Variants in PTPRD observed in about 807,000 individuals in gnomAD.
PTPRD encodes receptor-type tyrosine-protein phosphatase delta.
Under a neutral mutation model 214.5 loss-of-function variants are expected in PTPRD, and 34 were observed. The ratio of observed to expected loss-of-function variants is 0.16; its 90% confidence interval spans 0.12 to 0.21. PTPRD has a LOEUF of 0.21. PTPRD is among the 10% of genes least tolerant of loss of function. PTPRD has a pLI of 1.00. For synonymous variants in PTPRD, 1,128 were observed against 845.7 expected, an observed-to-expected ratio of 1.33 and a Z score of -5.79; for missense variants, 2,545 against 2,398.7, an observed-to-expected ratio of 1.06 and a Z score of -1.27.
In PTPRD at chr9:9,065,609, C is replaced by A. The variant is rs571286733; in HGVS notation, c.-142-46874G>T. ...CTGAGTTATAATGTACAGACTTACT[C>A]TTCTCACCATGGGAGAAAATACATT... is the stretch of plus-strand genomic sequence containing the variant. On this transcript the variant is annotated intron_variant, in intron 10 of 45. Coordinates refer to ENST00000381196, the MANE Select transcript of PTPRD (RefSeq NM_002839.4). 4.6e-5 allele frequency among the ~76,000 whole-genome samples: 7 copies of A among 152,264 alleles called. No individual in the cohort carries two copies. In the South Asian group the frequency reaches 1.5e-3, roughly 32 times the overall value.
At chr9:8,705,310 T>C (rs182165116) in intron 12 of PTPRD, among the ~76,000 whole-genome samples, 5 of 152,280 alleles carry the variant, frequency 3.3e-5, no homozygotes, top group Admixed American at 6.5e-5. Context: ...AACCTCCGCC[T>C]CTGGGATTCT....
chr9:9,605,509 T>A (rs950864172), intron 7 of PTPRD, among the ~76,000 whole-genome samples: 3 of 152,188 alleles, frequency 2.0e-5, no homozygotes, highest in African/African-American at 7.2e-5. Flanking sequence ...ATAAAAAACA[T>A]GGTTCCCCAC....
intron 3 of PTPRD, among the ~76,000 whole-genome samples, chr9:10,211,862 C>A (rs550815707): frequency 3.3e-5 from 5 of 152,170 alleles, no homozygotes; most frequent in Non-Finnish European, 5.9e-5. Context: ...GTACATTATT[C>A]AGGTGATGGT....
At chr9:9,242,574 G>A (rs199530052) in intron 9 of PTPRD, among the ~76,000 whole-genome samples, 85 of 151,796 alleles carry the variant, frequency 5.6e-4, no homozygotes, top group Non-Finnish European at 4.9e-4. Flanking sequence ...TTCTCTTCTC[G>A]CTTCATTTCA....
chr9:10,371,234 C>T (rs979848374), intron 2 of PTPRD, among the ~76,000 whole-genome samples: 3 of 151,836 alleles, frequency 2.0e-5, no homozygotes, highest in Non-Finnish European at 4.4e-5. Context: ...AAATACCTTA[C>T]AGTCTCTCAT....
intron 35 of PTPRD, among the ~76,000 whole-genome samples, chr9:8,434,343 G>C (rs1156310609): frequency 6.6e-6 from 1 of 152,054 alleles, no homozygotes. Context: ...ACAAATAGTT[G>C]GGTATAGTAA....
chr9:10,081,669 T>C (rs1174713819), intron 3 of PTPRD, among the ~76,000 whole-genome samples: 2 of 152,074 alleles, frequency 1.3e-5, no homozygotes, highest in East Asian at 1.9e-4. Flanking sequence ...ACCCAGTCTA[T>C]GGTGCTTTGT....
intron 20 of PTPRD, among the ~76,000 whole-genome samples, 162 bp downstream of exon 20, chr9:8,521,115 C>T (rs2097883022): frequency 6.6e-6 from 1 of 152,110 alleles, no homozygotes; most frequent in East Asian, 1.9e-4. Flanking sequence ...CCTATCTAGG[C>T]TTATGCATGT....
At chr9:10,205,364 CTTCTTTATTTTATTTTATT>C (rs1298236267) in intron 3 of PTPRD, among the ~76,000 whole-genome samples, 1 of 149,050 alleles carries the variant, frequency 6.7e-6, no homozygotes, top group African/African-American at 2.5e-5. Context: ...AATTCTTCTT[CTTCTTTATTTTATTTTATT>C]TTATTTTATT....
At chr9:8,670,814 A>G (rs2097268259) in intron 12 of PTPRD, among the ~76,000 whole-genome samples, 1 of 152,212 alleles carries the variant, frequency 6.6e-6, no homozygotes, top group African/African-American at 2.4e-5. Flanking sequence ...GAAATGCTAC[A>G]GAGAGGCGAC....
At chr9:10,322,865 G>C (rs944742303) in intron 3 of PTPRD, among the ~76,000 whole-genome samples, 1 of 151,978 alleles carries the variant, frequency 6.6e-6, no homozygotes, top group African/African-American at 2.4e-5. Flanking sequence ...CCTCATCTGG[G>C]AACAGGAAGG....
chr9:9,481,445 A>G (rs2095410912), intron 8 of PTPRD, among the ~76,000 whole-genome samples: 1 of 152,218 alleles, frequency 6.6e-6, no homozygotes, highest in African/African-American at 2.4e-5. Context: ...TGTTGTGCTC[A>G]GCAGGGCTGA....
At chr9:8,509,126 T>C (rs2097611852) in intron 21 of PTPRD, among the ~76,000 whole-genome samples, 1 of 152,014 alleles carries the variant, frequency 6.6e-6, no homozygotes, top group Non-Finnish European at 1.5e-5. Flanking sequence ...GTGGGTGACC[T>C]AACACAATCA....
intron 12 of PTPRD, among the ~76,000 whole-genome samples, chr9:8,650,877 T>C (rs1020126821): frequency 2.1e-5 from 3 of 143,798 alleles, no homozygotes; most frequent in Non-Finnish European, 4.6e-5. Context: ...TTTAGCATTC[T>C]TTTTTTTTTT....
chr9:9,959,569 A>G (rs540656658), intron 4 of PTPRD, among the ~76,000 whole-genome samples: 1 of 152,334 alleles, frequency 6.6e-6, no homozygotes, highest in African/African-American at 2.4e-5. Context: ...CCTACGACAA[A>G]TATATGAAAA....
Position 8,431,664 on chromosome 9 carries a change from T to G in PTPRD, c.4086+4928A>C, listed in dbSNP as rs13291880. Among the ~76,000 whole-genome samples, 847 of 152,280 alleles carry G rather than the reference T, an allele frequency of 5.6e-3. 5 individuals are homozygous for G. The highest frequency in any genetic ancestry group is 9.4e-3 in the Non-Finnish European group (640 of 68,022). ...ATACATTACCCTAAACCAATGACATTCCTCAAATTGAAGTCTTTGGAGCAC... is the reference window on the plus strand; with the variant it reads ...ATACATTACCCTAAACCAATGACATGCCTCAAATTGAAGTCTTTGGAGCAC... On this transcript the variant is annotated intron_variant, in intron 35 of 45. Coordinates refer to ENST00000381196, the MANE Select transcript of PTPRD (RefSeq NM_002839.4).
intron 2 of PTPRD, among the ~76,000 whole-genome samples, chr9:10,406,198 T>C (rs534589657): frequency 9.9e-5 from 15 of 151,476 alleles, no homozygotes; most frequent in Non-Finnish European, 1.9e-4. Context: ...AAGGATGATA[T>C]TTGTTATTTA....
chr9:8,510,302 T>A (rs1204522554), intron 21 of PTPRD, among the ~76,000 whole-genome samples: 1 of 151,742 alleles, frequency 6.6e-6, no homozygotes, highest in Non-Finnish European at 1.5e-5. Context: ...TAAAAATAAA[T>A]AAATAAATAA....
chr9:9,068,476 T>C lies in PTPRD; in HGVS notation c.-142-49741A>G, dbSNP rs1227343055. On this transcript the variant is annotated intron_variant, in intron 10 of 45. Transcript: ENST00000381196. ...CCACCAACAATGCATATGCAATCTT[T>C]GGATTTCTTTTAGTTTCTGACATTC... Among the ~76,000 whole-genome samples the C allele has an allele frequency of 2.0e-5, 3 of 152,202 alleles. No individual in the cohort carries two copies. In the East Asian group the frequency reaches 5.8e-4, roughly 29 times the overall value.
Sources: gnomAD v4.1 joint callset for allele counts (sites outside exome capture counted in the v4.1 genomes callset) on GRCh38, gnomAD v4.1.1 for gene constraint, MANE v1.5 for transcripts, NCBI Gene and HGNC (gene_info 2026-07-23, HGNC 2026-07-21) for gene names.